The following TRAK1 variants were observed in gnomAD, a reference collection of about 807,000 sequenced individuals.
TRAK1 encodes the protein trafficking kinesin protein 1.
A neutral mutation model predicts 92.1 loss-of-function variants in TRAK1; 33 were observed. The observed-to-expected ratio is 0.36, with a 90% CI of 0.27 to 0.48. The LOEUF is 0.48. TRAK1 is among the 20% of genes least tolerant of loss of function. The pLI is 0.99. For missense variants in TRAK1, 1,123 were observed against 1,257.9 expected (o/e 0.89, Z 1.62); for synonymous variants, 521 against 517.3 (o/e 1.01, Z -0.10).
intron 1 of TRAK1, among the ~76,000 whole-genome samples, chr3:42,076,518 G>T (rs893198951): frequency 2.0e-5 from 3 of 152,078 alleles, no homozygotes; most frequent in Non-Finnish European, 2.9e-5. Context: ...GAGCCACCAG[G>T]CCTGGCCAGA....
At chr3:42,184,643 A>G in intron 3 of TRAK1, 42 bp from the exon 4 acceptor site, 1 of 1,594,948 alleles carries the variant, frequency 6.3e-7, no homozygotes, top group Non-Finnish European at 8.6e-7. Flanking sequence ...TTCAGGAAAC[A>G]CAGGTCTTTT....
chr3:42,090,429 T>TA (rs1403381019), upstream of TRAK1, among the ~76,000 whole-genome samples: 14 of 152,360 alleles, frequency 9.2e-5, no homozygotes, highest in East Asian at 2.7e-3. Context: ...CTCACGCCTA[T>TA]GATCCCAGCA....
At position 42,143,099 on chromosome 3, in the gene TRAK1, G is replaced by A. The variant is rs562529585; in HGVS notation, c.286+17485G>A. On this transcript the variant is annotated intron_variant, in intron 2 of 15. Coordinates refer to ENST00000327628, the MANE Select transcript of TRAK1 (RefSeq NM_001042646.3). ...TTGACTTGCTGCTGATGGATTGGAGGGCTGTCCTTGTTGAGCCACTTGTGT... is the reference window on the plus strand; with the variant it reads ...TTGACTTGCTGCTGATGGATTGGAGAGCTGTCCTTGTTGAGCCACTTGTGT... 2.0e-5 allele frequency among the ~76,000 whole-genome samples: 3 copies of A among 152,154 alleles called. No homozygotes were observed. In the East Asian group the frequency reaches 5.8e-4, roughly 29 times the overall value.
At chr3:42,093,635 C>A in intron 1 of TRAK1, among the ~76,000 whole-genome samples, 1 of 139,444 alleles carries the variant, frequency 7.2e-6, no homozygotes, top group African/African-American at 2.7e-5. Flanking sequence ...TCTCTTCTCT[C>A]TTCTCTTTTT....
upstream of TRAK1, among the ~76,000 whole-genome samples, chr3:42,090,025 C>G (rs1390404025): frequency 6.6e-6 from 1 of 152,146 alleles, no homozygotes; most frequent in Non-Finnish European, 1.5e-5. Flanking sequence ...GGAGTTGCAT[C>G]CAGGTCTGTA....
chr3:42,055,170 T>C (rs1180637834), intron 1 of TRAK1, among the ~76,000 whole-genome samples: 2 of 152,068 alleles, frequency 1.3e-5, no homozygotes, highest in Non-Finnish European at 2.9e-5. Context: ...TCTGTCCTCC[T>C]TGGCCTCCCA....
chr3:42,193,701 A>T (rs557768003), intron 8 of TRAK1, 123 bp from the exon 9 acceptor site: 1 of 1,022,732 alleles, frequency 9.8e-7, no homozygotes. Context: ...GCAGAATTTG[A>T]GTATAAGATG....
intron 2 of TRAK1, among the ~76,000 whole-genome samples, chr3:42,161,915 G>T (rs1005921843): frequency 6.6e-6 from 1 of 152,140 alleles, no homozygotes; most frequent in Non-Finnish European, 1.5e-5. Flanking sequence ...GTAGAACTAG[G>T]GCTCCCCCAG....
chr3:42,201,993 T>G (rs1265266957), intron 12 of TRAK1, among the ~76,000 whole-genome samples: 2 of 151,764 alleles, frequency 1.3e-5, no homozygotes, highest in Non-Finnish European at 2.9e-5. Flanking sequence ...CCGGACCAGT[T>G]GGAACAGACA....
chr3:42,205,537 A>C (rs1188228038), intron 13 of TRAK1, among the ~76,000 whole-genome samples: 1 of 152,236 alleles, frequency 6.6e-6, no homozygotes, highest in African/African-American at 2.4e-5. Context: ...AAGAACAAAC[A>C]AACCATTCAA....
chr3:42,175,835 T>C (rs1437063369), intron 2 of TRAK1, among the ~76,000 whole-genome samples: 5 of 152,216 alleles, frequency 3.3e-5, no homozygotes, highest in Admixed American at 6.5e-5. Context: ...AACAGAATTA[T>C]TCACTGAAGT....
At chr3:42,196,313 C>G (rs1706615562) in intron 10 of TRAK1, among the ~76,000 whole-genome samples, 1 of 152,174 alleles carries the variant, frequency 6.6e-6, no homozygotes, top group South Asian at 2.1e-4. Flanking sequence ...CAGTGAGTAG[C>G]AGTTTTTGCA....
chr3:42,179,079 A>G (rs1703634856), intron 3 of TRAK1, among the ~76,000 whole-genome samples: 1 of 152,172 alleles, frequency 6.6e-6, no homozygotes, highest in Non-Finnish European at 1.5e-5. Context: ...TGACCTCCCA[A>G]AGTGCTGGGA....
chr3:42,071,040 G>A (rs1288324674), intron 1 of TRAK1, among the ~76,000 whole-genome samples: 1 of 152,170 alleles, frequency 6.6e-6, no homozygotes, highest in African/African-American at 2.4e-5. Context: ...ATGGGCTGCT[G>A]TGAGTTTTTG....
chr3:42,053,374 G>GTT (rs1491112940), intron 1 of TRAK1, among the ~76,000 whole-genome samples: 2 of 126,286 alleles, frequency 1.6e-5, no homozygotes, highest in African/African-American at 3.6e-5. Flanking sequence ...TCAGAGTCGG[G>GTT]TGGGGGGGGG....
intron 1 of TRAK1, among the ~76,000 whole-genome samples, chr3:42,052,531 A>G (rs1188800649): frequency 2.0e-5 from 3 of 152,152 alleles, no homozygotes; most frequent in East Asian, 1.9e-4. Flanking sequence ...CTCTTATGCT[A>G]TTGTTGAGCA....
chr3:42,199,658 A>G (rs370728541), intron 11 of TRAK1, among the ~76,000 whole-genome samples: 22 of 152,292 alleles, frequency 1.4e-4, no homozygotes, highest in African/African-American at 5.1e-4. Flanking sequence ...GGGCTTCACC[A>G]TGTTGCTCAG....
At position 42,125,485 on chromosome 3, in the gene TRAK1, C is replaced by T. The variant is rs1293570564; in HGVS notation, c.157C>T (p.His53Tyr). 6.2e-7 allele frequency: 1 copy of T among 1,614,080 alleles called. No homozygotes were observed. Among genetic ancestry groups the T allele is most frequent in the Non-Finnish European group, 8.5e-7 (1 of 1,180,048 alleles). ...TAGCCTGCTGGAGGAGCAGCTGCCC[C>T]ATTATAAGTTAAGAGCCGACACCAT... ...IISLLEEQLPHYKLRADTIYG... is the reference protein window; with the variant it reads ...IISLLEEQLPYYKLRADTIYG... Residue 53 changes from histidine to tyrosine, a missense_variant, in exon 2 of 16, where the codon CAT becomes TAT. Around this residue, in one of 3 missense-constraint regions of TRAK1, gnomAD observed 686 missense variants for 747.6 expected, o/e 0.92. Transcript: ENST00000327628.
intron 1 of TRAK1, among the ~76,000 whole-genome samples, chr3:42,043,502 C>T (rs1353948657): frequency 2.0e-5 from 3 of 152,106 alleles, no homozygotes; most frequent in Non-Finnish European, 4.4e-5. Flanking sequence ...CCCTCCACCC[C>T]TACCCCCAGC....
Sources: allele counts gnomAD v4.1 joint callset (sites outside exome capture counted in the v4.1 genomes callset), GRCh38; gene constraint gnomAD v4.1.1; regional missense constraint gnomAD v4.1.1; transcripts MANE v1.5; gene names NCBI Gene and HGNC (gene_info 2026-07-23, HGNC 2026-07-21).